Variants in TOMM34 observed in about 807,000 individuals in gnomAD.
The protein encoded by TOMM34 is mitochondrial import receptor subunit TOM34.
In TOMM34, 24 loss-of-function variants were observed where a neutral mutation model predicts 37.4. That is an observed-to-expected ratio of 0.64 (90% CI 0.46 to 0.90). The LOEUF (loss-of-function observed/expected upper bound fraction) is 0.90, where lower values mean the gene tolerates loss of function less well. TOMM34 is among the 40% of genes least tolerant of loss of function. The probability of loss-of-function intolerance (pLI) is 0.00; values close to 1 mark genes in which losing one functional copy is unlikely to be tolerated. For missense variants in TOMM34, 304 were observed against 375.6 expected (o/e 0.81, Z 1.58); for synonymous variants, 154 against 148.9 (o/e 1.03, Z -0.25).
At chr20:44,953,429 CCT>C (rs2067043866) in intron 3 of TOMM34, among the ~76,000 whole-genome samples, 2 of 152,314 alleles carry the variant, frequency 1.3e-5, no homozygotes, top group South Asian at 4.1e-4. Context: ...TTTCCTCCCA[CCT>C]CTCTAGCTGC....
At chr20:44,957,419 C>T (rs1659045930) in intron 1 of TOMM34, among the ~76,000 whole-genome samples, 1 of 152,198 alleles carries the variant, frequency 6.6e-6, no homozygotes, top group Non-Finnish European at 1.5e-5. Context: ...GGCAATCCGC[C>T]TGCCTCGGCC....
In TOMM34 at chr20:44,948,806, T is replaced by C; in HGVS notation, c.622A>G (p.Asn208Asp). The change falls in exon 5 of 7, where the codon AAC (asparagine) becomes GAC (aspartate). Residue 208 changes from asparagine (N) to aspartate (D), a missense_variant. Transcript: ENST00000372813. ...EEGNELVKKG[N>D]HKKAIEKYSE... is the part of the protein sequence containing the mutation. ...TACTTCTCAATAGCTTTCTTATGGT[T>C]TCCCTTCTTTACAAGCTCATTGCCT... 2 of 1,614,122 alleles carry C rather than the reference T, an allele frequency of 1.2e-6. No individual in the cohort carries two copies. Among genetic ancestry groups the C allele is most frequent in the Non-Finnish European group, 1.7e-6 (2 of 1,180,010 alleles).
chr20:44,943,701 GTCT>G (rs1337422656), intron 5 of TOMM34, 122 bp from the exon 6 acceptor site: 12 of 1,410,476 alleles, frequency 8.5e-6, no homozygotes, highest in Non-Finnish European at 9.7e-6. Flanking sequence ...GTTACTTTAT[GTCT>G]TCTTAAATCC....
chr20:44,944,130 G>A (rs1387341181), intron 5 of TOMM34, among the ~76,000 whole-genome samples: 1 of 152,190 alleles, frequency 6.6e-6, no homozygotes, highest in East Asian at 1.9e-4. Flanking sequence ...AATACTAATT[G>A]TAGAATTTAG....
chr20:44,954,471 G>T (rs929816464), intron 3 of TOMM34, among the ~76,000 whole-genome samples: 1 of 152,250 alleles, frequency 6.6e-6, no homozygotes, highest in African/African-American at 2.4e-5. Context: ...TGAAGTCCCT[G>T]TTAAGGGTTT....
intron 5 of TOMM34, 61 bp from the exon 6 acceptor site, chr20:44,943,640 G>A (rs1198370868): frequency 2.3e-5 from 37 of 1,607,360 alleles, no homozygotes; most frequent in South Asian, 1.1e-4. Flanking sequence ...CACATGCCAC[G>A]CAGTAGTTTG....
chr20:44,951,409 G>T lies in TOMM34; in HGVS notation c.550+424C>A, dbSNP rs868179459. Among the ~76,000 whole-genome samples the T allele has an allele frequency of 2.0e-5, 3 of 152,182 alleles. No homozygotes were observed. The South Asian group carries it at 6.2e-4, about 31-fold the overall frequency. On this transcript the variant is annotated intron_variant, in intron 4 of 6. Coordinates refer to ENST00000372813, the MANE Select transcript of TOMM34 (RefSeq NM_006809.5). ...AGTTAGTCTGTTAATATACTGAGCT[G>T]CTGGAGCAAACCTTGCCTGAATTCT... is the stretch of plus-strand genomic sequence containing the variant.
At chr20:44,945,911 G>A (rs2066976938) in intron 5 of TOMM34, among the ~76,000 whole-genome samples, 2 of 152,006 alleles carry the variant, frequency 1.3e-5, no homozygotes, top group Admixed American at 1.3e-4. Context: ...AGGCTGGAGT[G>A]CAGTGGCATG....
At chr20:44,946,547 GTAACACA>G (rs2066982213) in intron 5 of TOMM34, among the ~76,000 whole-genome samples, 2 of 152,278 alleles carry the variant, frequency 1.3e-5, no homozygotes, top group East Asian at 3.9e-4. Context: ...GCCTGATTAG[GTAACACA>G]GGACAATGAT....
chr20:44,944,274 G>A (rs2066961630), intron 5 of TOMM34, among the ~76,000 whole-genome samples: 1 of 152,200 alleles, frequency 6.6e-6, no homozygotes, highest in African/African-American at 2.4e-5. Context: ...TCAAAAAAGT[G>A]CATGTGTGTA....
rs2067030809 is a variant in TOMM34, at chr20:44,951,981, G to A, written c.402C>T (p.Asp134=). ...TCAGGCGCCACTCAGGCCCAAGCGA[G>A]TCCATGAGAGCTCTGGTCATTCTGG... is the stretch of plus-strand genomic sequence containing the variant. ...GINRMTRALM[D]SLGPEWRLKL... Residue 134 remains aspartate, a synonymous_variant, in exon 4 of 7, where the codon GAC becomes GAT. Transcript: ENST00000372813. The A allele has an allele frequency of 6.2e-7, 1 of 1,611,790 alleles. No homozygotes were observed. Among genetic ancestry groups the A allele is most frequent in the Non-Finnish European group, 8.5e-7 (1 of 1,179,066 alleles).
chr20:44,952,571 C>T (rs1197228503), intron 3 of TOMM34: 1 of 717,098 alleles, frequency 1.4e-6, no homozygotes, highest in Non-Finnish European at 2.6e-6. Context: ...TTCCTCTACC[C>T]AGAACAACCA....
At chr20:44,957,335 G>A (rs188093186) in intron 1 of TOMM34, among the ~76,000 whole-genome samples, 2 of 152,204 alleles carry the variant, frequency 1.3e-5, no homozygotes, top group East Asian at 3.9e-4. Flanking sequence ...TGGGATTACA[G>A]GCACTCGCCA....
At chr20:44,946,939 G>C (rs2066985595) in intron 5 of TOMM34, among the ~76,000 whole-genome samples, 1 of 152,224 alleles carries the variant, frequency 6.6e-6, no homozygotes, top group South Asian at 2.1e-4. Flanking sequence ...GGAATGCTCT[G>C]ATTAAGAAGA....
intron 1 of TOMM34, among the ~76,000 whole-genome samples, chr20:44,958,177 A>G (rs988683695): frequency 2.1e-5 from 3 of 140,860 alleles, no homozygotes; most frequent in Non-Finnish European, 4.7e-5. Flanking sequence ...AACAGGAAAG[A>G]TACCATTTTA....
At chr20:44,953,600 T>A (rs912054142) in intron 3 of TOMM34, among the ~76,000 whole-genome samples, 1 of 152,228 alleles carries the variant, frequency 6.6e-6, no homozygotes, top group African/African-American at 2.4e-5. Flanking sequence ...CTTTGTTCCA[T>A]GTAAATACCC....
At chr20:44,955,782 C>T (rs947567271) in intron 2 of TOMM34, among the ~76,000 whole-genome samples, 1 of 152,224 alleles carries the variant, frequency 6.6e-6, no homozygotes, top group Non-Finnish European at 1.5e-5. Flanking sequence ...GCTCACACCC[C>T]TCCTGCTCTC....
chr20:44,955,546 G>A (rs1317650773), intron 2 of TOMM34: 8 of 480,280 alleles, frequency 1.7e-5, no homozygotes, highest in African/African-American at 1.4e-4. Flanking sequence ...TGGTCTAGTG[G>A]GAATAACAAA....
chr20:44,951,751 C>T, intron 4 of TOMM34, 82 bp downstream of exon 4: 1 of 1,498,494 alleles, frequency 6.7e-7, no homozygotes, highest in Non-Finnish European at 9.0e-7. Flanking sequence ...CTCAGCTAAA[C>T]AATGCCAATT....
Sources: allele counts gnomAD v4.1 joint callset (sites outside exome capture counted in the v4.1 genomes callset), GRCh38; gene constraint gnomAD v4.1.1; transcripts MANE v1.5; gene names NCBI Gene and HGNC (gene_info 2026-07-23, HGNC 2026-07-21).